The following AGBL4 variants were observed in gnomAD, a reference collection of about 807,000 sequenced individuals.
AGBL4 encodes the protein AGBL carboxypeptidase 4.
In AGBL4, 58 loss-of-function variants were observed where a neutral mutation model predicts 66.4. That is an observed-to-expected ratio of 0.87 (90% CI 0.71 to 1.09). The LOEUF is 1.09. AGBL4 is among the 50% of genes least tolerant of loss of function. AGBL4 has a pLI of 0.00. For missense variants in AGBL4, 579 were observed against 631.0 expected, an observed-to-expected ratio of 0.92 and a Z score of 0.88; for synonymous variants, 234 against 222.9, an observed-to-expected ratio of 1.05 and a Z score of -0.44.
intron 1 of AGBL4, among the ~76,000 whole-genome samples, chr1:49,922,903 G>T (rs1253977789): frequency 6.6e-6 from 1 of 152,156 alleles, no homozygotes; most frequent in African/African-American, 2.4e-5. Flanking sequence ...GCAATTTATA[G>T]ATTTGATGCT....
intron 3 of AGBL4, among the ~76,000 whole-genome samples, chr1:49,382,220 C>G (rs867304169): frequency 6.6e-6 from 1 of 151,928 alleles, no homozygotes; most frequent in South Asian, 2.1e-4. Context: ...GGAACAAGAA[C>G]GAGAACAAGA....
intron 2 of AGBL4, among the ~76,000 whole-genome samples, chr1:49,732,328 A>G (rs1049188065): frequency 5.9e-5 from 9 of 152,228 alleles, no homozygotes; most frequent in Non-Finnish European, 1.0e-4. Flanking sequence ...ACTGAAACCC[A>G]GAGAATAATT....
At chr1:49,416,611 T>C (rs1390458941) in intron 3 of AGBL4, among the ~76,000 whole-genome samples, 2 of 152,148 alleles carry the variant, frequency 1.3e-5, no homozygotes, top group Admixed American at 1.3e-4. Context: ...CTAGTTCAGC[T>C]AGTTATTTAA....
intron 2 of AGBL4, chr1:49,844,706 C>T: frequency 1.2e-6 from 2 of 1,602,578 alleles, no homozygotes; most frequent in South Asian, 1.1e-5. Context: ...GAAACTAGAC[C>T]CAAAGTCAAA....
chr1:48,912,651 C>T (rs931116718), intron 5 of AGBL4, among the ~76,000 whole-genome samples: 1 of 152,158 alleles, frequency 6.6e-6, no homozygotes, highest in Non-Finnish European at 1.5e-5. Context: ...CATTTCTGTA[C>T]ATAAGGTGGT....
At chr1:48,921,104 C>A (rs759730071) in intron 5 of AGBL4, among the ~76,000 whole-genome samples, 3 of 152,056 alleles carry the variant, frequency 2.0e-5, no homozygotes, top group Non-Finnish European at 4.4e-5. Flanking sequence ...ATCAGCAGGC[C>A]CGAGTCATCA....
chr1:49,054,470 C>T (rs1644274559), intron 4 of AGBL4, among the ~76,000 whole-genome samples: 1 of 151,896 alleles, frequency 6.6e-6, no homozygotes, highest in African/African-American at 2.4e-5. Flanking sequence ...AAACAATGTA[C>T]TTGTTAAATC....
At chr1:49,378,139 T>C (rs1415755643) in intron 3 of AGBL4, among the ~76,000 whole-genome samples, 1 of 152,028 alleles carries the variant, frequency 6.6e-6, no homozygotes, top group Non-Finnish European at 1.5e-5. Context: ...TTGAAACAAA[T>C]GTAAGGCCCT....
chr1:49,250,670 T>C (rs988686264), intron 3 of AGBL4, among the ~76,000 whole-genome samples: 12 of 151,988 alleles, frequency 7.9e-5, no homozygotes, highest in African/African-American at 2.7e-4. Context: ...TCTCGAACTC[T>C]TGACCTCATG....
chr1:49,556,304 T>C (rs1643896198), intron 3 of AGBL4, among the ~76,000 whole-genome samples: 1 of 151,940 alleles, frequency 6.6e-6, no homozygotes. Flanking sequence ...CCGCATGTTC[T>C]CACTCATAGG....
chr1:48,873,751 C>T (rs898422340), intron 5 of AGBL4, among the ~76,000 whole-genome samples: 1 of 152,106 alleles, frequency 6.6e-6, no homozygotes, highest in East Asian at 1.9e-4. Context: ...TCATGCACTA[C>T]CCCCATAATT....
At chr1:49,996,387 A>T (rs954433749) in intron 1 of AGBL4, among the ~76,000 whole-genome samples, 11 of 152,212 alleles carry the variant, frequency 7.2e-5, no homozygotes, top group Non-Finnish European at 1.5e-4. Flanking sequence ...CTACTTCTGG[A>T]AATGAAAAAC....
At chr1:49,874,170 A>T (rs1291207835) in intron 1 of AGBL4, among the ~76,000 whole-genome samples, 10 of 152,154 alleles carry the variant, frequency 6.6e-5, no homozygotes. Flanking sequence ...TTAAGAAAAA[A>T]AAATGAACCT....
At chr1:49,595,449 T>G (rs1201982913) in intron 3 of AGBL4, among the ~76,000 whole-genome samples, 2 of 152,116 alleles carry the variant, frequency 1.3e-5, no homozygotes, top group African/African-American at 4.8e-5. Flanking sequence ...CTTATAAAAT[T>G]TGTTTAAAGT....
At chr1:48,939,752 T>C in intron 5 of AGBL4, among the ~76,000 whole-genome samples, 1 of 152,224 alleles carries the variant, frequency 6.6e-6, no homozygotes, top group African/African-American at 2.4e-5. Flanking sequence ...AGGTTTGCTC[T>C]CCTTCTTCAA....
At chr1:49,586,925 C>T (rs1290487450) in intron 3 of AGBL4, among the ~76,000 whole-genome samples, 1 of 152,158 alleles carries the variant, frequency 6.6e-6, no homozygotes, top group Non-Finnish European at 1.5e-5. Flanking sequence ...CATCCATTCT[C>T]CACCTTTTCC....
intron 4 of AGBL4, among the ~76,000 whole-genome samples, chr1:49,186,267 C>T (rs1647014844): frequency 1.3e-5 from 2 of 152,148 alleles, no homozygotes. Flanking sequence ...TTTCAGAATG[C>T]CTAATGAATT....
At chr1:49,283,552 C>A (rs1644331006) in intron 3 of AGBL4, among the ~76,000 whole-genome samples, 1 of 152,194 alleles carries the variant, frequency 6.6e-6, no homozygotes, top group South Asian at 2.1e-4. Flanking sequence ...AGGAAGGCTT[C>A]AGACGATCAA....
chr1:49,022,614 G>A (rs985338384), intron 5 of AGBL4, among the ~76,000 whole-genome samples: 5 of 151,994 alleles, frequency 3.3e-5, no homozygotes, highest in Admixed American at 6.6e-5. Flanking sequence ...GTTGGAGCTC[G>A]TTCCTTGATA....
Sources: allele counts gnomAD v4.1 joint callset (sites outside exome capture counted in the v4.1 genomes callset), GRCh38; gene constraint gnomAD v4.1.1; transcripts MANE v1.5; gene names NCBI Gene and HGNC (gene_info 2026-07-23, HGNC 2026-07-21).